The following ZNF469 variants were observed in gnomAD, a reference collection of about 807,000 sequenced individuals.
ZNF469 encodes the protein zinc finger protein 469.
ZNF469 carries 1 observed loss-of-function variant against 1.0 expected under a neutral mutation model. The ratio of observed to expected loss-of-function variants is 1.00; its 90% CI spans 0.35 to 4.73. ZNF469 has a LOEUF of 4.73. ZNF469 is among the 30% of genes most tolerant of loss of function. ZNF469 has a pLI of 0.16. For missense variants in ZNF469, 6,100 were observed against 5,356.3 expected (o/e 1.14, Z -4.33); for synonymous variants, 2,703 against 2,363.4 (o/e 1.14, Z -4.17).
At chr16:88,255,972 T>C in the ZNF469 span, among the ~76,000 whole-genome samples, 2 of 152,212 alleles carry the variant, frequency 1.3e-5, no homozygotes, top group South Asian at 4.1e-4. Context: ...ATGCTGACAT[T>C]AGCCATTAGG....
chr16:88,310,919 C>A, the ZNF469 span, among the ~76,000 whole-genome samples: 1 of 152,166 alleles, frequency 6.6e-6, no homozygotes, highest in African/African-American at 2.4e-5. Flanking sequence ...TCTCACGGTG[C>A]CTTTGTTGTC....
At chr16:88,132,230 CTCCGACGCCCGCCT>C in the ZNF469 span, among the ~76,000 whole-genome samples, 3 of 152,244 alleles carry the variant, frequency 2.0e-5, no homozygotes, top group South Asian at 2.1e-4. Context: ...TGCTTTCGGC[CTCCGACGCCCGCCT>C]TCCTGCACCC....
chr16:88,394,722 A>T (rs1254809582), intron 1 of ZNF469, among the ~76,000 whole-genome samples: 1 of 152,136 alleles, frequency 6.6e-6, no homozygotes, highest in Non-Finnish European at 1.5e-5. Flanking sequence ...GTGTTCAGAG[A>T]GTGAAAGGTG....
chr16:88,170,004 G>T, the ZNF469 span, among the ~76,000 whole-genome samples: 1 of 152,190 alleles, frequency 6.6e-6, no homozygotes, highest in African/African-American at 2.4e-5. The surrounding 1 kb of genome is among the most constrained non-coding windows in gnomAD (Gnocchi z 4.2). Context: ...GCATTTATGG[G>T]GGGCATGGTG....
intron 2 of ZNF469, among the ~76,000 whole-genome samples, chr16:88,426,352 G>A (rs759366865): frequency 6.6e-6 from 1 of 152,258 alleles, no homozygotes; most frequent in Non-Finnish European, 1.5e-5. Flanking sequence ...AAGGACGCCC[G>A]GTCCCTGCTG....
At chr16:88,364,993 A>G in the ZNF469 span, among the ~76,000 whole-genome samples, 8 of 152,204 alleles carry the variant, frequency 5.3e-5, no homozygotes, top group Admixed American at 2.0e-4. Flanking sequence ...GAGTGAATAA[A>G]AAGGCTTGCA....
the ZNF469 span, among the ~76,000 whole-genome samples, chr16:88,114,947 T>G: frequency 5.1e-5 from 6 of 117,700 alleles, no homozygotes; most frequent in African/African-American, 1.6e-4. Flanking sequence ...TCAGCCGCCT[T>G]TCTCTTGCTG....
At position 88,430,352 on chromosome 16, in the gene ZNF469, G is replaced by A; in HGVS notation, c.2882G>A (p.Gly961Asp). ...LKLFRKDLDSGGAAEGSGSGG... is the reference protein window; with the variant it reads ...LKLFRKDLDSDGAAEGSGSGG... The stretch of plus-strand genomic sequence containing the variant: ...CTGTTCCGGAAGGATCTGGACTCGG[G>A]CGGCGCAGCAGAGGGGTCGGGGTCG... The change falls in exon 3 of 3, where the codon GGC becomes GAC. Residue 961 changes from glycine to aspartate, a missense_variant. Transcript: ENST00000565624. The A allele has an allele frequency of 6.6e-7, 1 of 1,513,272 alleles. No homozygotes were observed. Among genetic ancestry groups the A allele is most frequent in the Non-Finnish European group, 8.8e-7 (1 of 1,135,354 alleles). The allele number at this position is 1,513,272 out of a possible 1,614,324, so 93.7% of individuals were successfully genotyped here. A position where few individuals can be genotyped will look rare whatever the true frequency, so the allele number is the denominator to read the frequency against.
chr16:88,376,518 C>T, the ZNF469 span, among the ~76,000 whole-genome samples: 5 of 152,232 alleles, frequency 3.3e-5, no homozygotes, highest in South Asian at 2.1e-4. Context: ...GCTCTGCCGC[C>T]GCCCGTGAAC....
chr16:88,362,085 C>T, the ZNF469 span, among the ~76,000 whole-genome samples: 14 of 152,182 alleles, frequency 9.2e-5, 1 homozygote, highest in East Asian at 3.8e-4. Flanking sequence ...CAGCTACTAT[C>T]GATTCTTCAA....
At chr16:88,130,185 G>C in the ZNF469 span, among the ~76,000 whole-genome samples, 1,703 of 152,284 alleles carry the variant, frequency 0.011, 32 homozygotes, top group African/African-American at 0.039. Flanking sequence ...CAGCATCGGG[G>C]TGCGTGCGCA....
the ZNF469 span, among the ~76,000 whole-genome samples, chr16:88,198,240 T>A: frequency 6.6e-6 from 1 of 152,134 alleles, no homozygotes; most frequent in Non-Finnish European, 1.5e-5. Flanking sequence ...AAGACAAAGC[T>A]GTGAAAGGAT....
In ZNF469 at chr16:88,428,557, T is replaced by A. The variant is rs1410004153; in HGVS notation, c.1087T>A (p.Ser363Thr). 1 of 1,550,034 alleles carries A rather than the reference T, an allele frequency of 6.5e-7. No individual in the cohort carries two copies. The highest frequency in any genetic ancestry group is 2.0e-5 in the Admixed American group (1 of 51,004). The part of the protein sequence containing the change: ...GALSSPGAAH[S>T]APRPFSDSLH... ...CCTCTCTTCCCCTGGAGCTGCTCAC[T>A]CGGCCCCGAGACCCTTCTCTGACAG... The change falls in exon 3 of 3, where the codon TCG becomes ACG. Residue 363 changes from serine to threonine, a missense_variant. Physicochemically the swap from Ser to Thr is moderately conservative, Grantham distance 58. Transcript: ENST00000565624.
the ZNF469 span, among the ~76,000 whole-genome samples, chr16:88,361,408 G>A: frequency 6.6e-6 from 1 of 152,192 alleles, no homozygotes; most frequent in Non-Finnish European, 1.5e-5. Flanking sequence ...ATCTAGAGCA[G>A]GTAAAACTAA....
the ZNF469 span, among the ~76,000 whole-genome samples, chr16:88,204,669 C>T: frequency 3.9e-5 from 6 of 152,220 alleles, no homozygotes; most frequent in South Asian, 2.1e-4. Flanking sequence ...AGGCACAAGG[C>T]ACCCACACAG....
the ZNF469 span, among the ~76,000 whole-genome samples, chr16:88,210,848 G>A: frequency 5.3e-5 from 8 of 152,202 alleles, no homozygotes. Context: ...GCCTGGTAAA[G>A]CTGGGCCTCC....
At chr16:88,267,627 G>A in the ZNF469 span, among the ~76,000 whole-genome samples, 1 of 152,068 alleles carries the variant, frequency 6.6e-6, no homozygotes, top group Non-Finnish European at 1.5e-5. Context: ...CCTGGCAGGA[G>A]GTCACCACAC....
the ZNF469 span, among the ~76,000 whole-genome samples, chr16:88,351,990 G>A: frequency 2.6e-5 from 4 of 152,188 alleles, no homozygotes; most frequent in Non-Finnish European, 4.4e-5. Context: ...TGATGGTGAC[G>A]CTCACCACGA....
the ZNF469 span, among the ~76,000 whole-genome samples, chr16:88,138,895 G>A: frequency 0.043 from 6,575 of 152,316 alleles, 270 homozygotes; most frequent in East Asian, 0.2. Flanking sequence ...AATAAGCAGC[G>A]TAAGCACAGC....
Sources: allele counts gnomAD v4.1 joint callset (sites outside exome capture counted in the v4.1 genomes callset), GRCh38; gene constraint gnomAD v4.1.1; non-coding constraint Gnocchi (gnomAD v3.1); transcripts MANE v1.5; gene names NCBI Gene and HGNC (gene_info 2026-07-23, HGNC 2026-07-21).